Variants in RB1CC1 observed in about 807,000 individuals in gnomAD.
RB1CC1 encodes RB1 inducible coiled-coil 1, also known as RB1-inducible coiled-coil protein 1.
RB1CC1 carries 46 observed loss-of-function variants against 177.5 expected under a neutral mutation model. That is an observed-to-expected ratio of 0.26 (90% CI 0.20 to 0.33). The LOEUF (loss-of-function observed/expected upper bound fraction) is 0.33, where lower values mean the gene tolerates loss of function less well. Among genes scored for constraint, RB1CC1 ranks in the 10% least tolerant of loss-of-function variants. RB1CC1 has a pLI of 1.00. For synonymous variants in RB1CC1, 666 were observed against 613.6 expected (o/e 1.09, Z -1.26); for missense variants, 1,703 against 1,816.3 (o/e 0.94, Z 1.13).
rs943914825 is a variant in RB1CC1 at position 52,622,759 on chromosome 8, T to C, written c.*1023A>G. On this transcript the variant is annotated 3_prime_UTR_variant, in exon 24 of 24. Coordinates refer to ENST00000025008, the MANE Select transcript of RB1CC1 (RefSeq NM_014781.5). ...TAACACTGTTTACCCTGTTACATAGTATATAGTTAAAGAACATTTTTGTAA... is the reference window on the plus strand; with the variant it reads ...TAACACTGTTTACCCTGTTACATAGCATATAGTTAAAGAACATTTTTGTAA... The C allele has an allele frequency of 6.6e-6, 1 of 152,004 alleles. No individual in the cohort carries two copies. The highest frequency in any genetic ancestry group is 2.4e-5 in the African/African-American group (1 of 41,398). 9.4% of individuals were successfully genotyped at this position (152,004 alleles called of 1,614,324 possible).
At chr8:52,697,602 A>G (rs1049908810) in intron 1 of RB1CC1, among the ~76,000 whole-genome samples, 2 of 152,214 alleles carry the variant, frequency 1.3e-5, no homozygotes, top group African/African-American at 4.8e-5. Flanking sequence ...TAAGCGAAGG[A>G]AGGAAGGCTG....
chr8:52,631,138 A>G (rs1314176359), intron 20 of RB1CC1, among the ~76,000 whole-genome samples: 2 of 152,192 alleles, frequency 1.3e-5, no homozygotes, highest in Non-Finnish European at 2.9e-5. Context: ...TGAGAAAAGG[A>G]GAAGGCAGAG....
chr8:52,709,996 T>G (rs552568214), intron 1 of RB1CC1, among the ~76,000 whole-genome samples: 2 of 152,318 alleles, frequency 1.3e-5, no homozygotes, highest in East Asian at 3.9e-4. Context: ...AGAGAAAAGA[T>G]GATTGGAAAT....
At chr8:52,665,100 G>C (rs1040584051) in intron 8 of RB1CC1, among the ~76,000 whole-genome samples, 7 of 151,900 alleles carry the variant, frequency 4.6e-5, no homozygotes, top group African/African-American at 1.7e-4. Flanking sequence ...TAGAATGATG[G>C]GTTCATAAAA....
intron 15 of RB1CC1, among the ~76,000 whole-genome samples, chr8:52,655,440 G>C (rs899654856): frequency 1.3e-5 from 2 of 151,984 alleles, no homozygotes; most frequent in Admixed American, 6.6e-5. Context: ...ATATCAGACA[G>C]TAACAATAAT....
At chr8:52,647,291 T>C (rs769442558) in intron 15 of RB1CC1, among the ~76,000 whole-genome samples, 4 of 152,118 alleles carry the variant, frequency 2.6e-5, no homozygotes, top group Non-Finnish European at 4.4e-5. Context: ...TCTATCAAAG[T>C]CTGAGACTCC....
intron 20 of RB1CC1, among the ~76,000 whole-genome samples, chr8:52,633,707 T>C (rs1848924391): frequency 6.6e-6 from 1 of 152,226 alleles, no homozygotes; most frequent in African/African-American, 2.4e-5. Context: ...AATAAAGTTA[T>C]TGCTTTATTA....
At chr8:52,667,965 CAT>C (rs371360398) in intron 8 of RB1CC1, 54 bp downstream of exon 8, 81 of 1,538,358 alleles carry the variant, frequency 5.3e-5, no homozygotes, top group African/African-American at 5.3e-4. Context: ...GCATATAAAA[CAT>C]GTGTACAAAA....
At position 52,672,294 on chromosome 8, in the gene RB1CC1, A is replaced by G. The variant is rs556207113; in HGVS notation, c.1002+1551T>C. On this transcript the variant is annotated intron_variant, in intron 7 of 23. Transcript: ENST00000025008. ...ACTGTGCCTGGCTGACTTTTCATTA[A>G]GTCAGAGAATCACTGTTCCTTTCCT... 4.9e-4 allele frequency among the ~76,000 whole-genome samples: 74 copies of G among 152,290 alleles called. 1 individual carries two copies. Among genetic ancestry groups the G allele is most frequent in the African/African-American group, 1.8e-3 (74 of 41,558 alleles).
chr8:52,646,765 A>G (rs917644152), intron 15 of RB1CC1, among the ~76,000 whole-genome samples: 4 of 152,216 alleles, frequency 2.6e-5, no homozygotes, highest in Non-Finnish European at 5.9e-5. Context: ...AACACTGGTT[A>G]ATGATTAGTT....
At chr8:52,657,965 AT>A in intron 14 of RB1CC1, 32 bp downstream of exon 14, 1 of 1,613,348 alleles carries the variant, frequency 6.2e-7, no homozygotes. Flanking sequence ...TTTTACACTA[AT>A]GAAGAAAACT....
At chr8:52,667,937 G>A (rs1297252693) in intron 8 of RB1CC1, 84 bp downstream of exon 8, 2 of 1,317,482 alleles carry the variant, frequency 1.5e-6, no homozygotes, top group Non-Finnish European at 2.1e-6. Context: ...AAAATATGGT[G>A]CACACCAAAT....
intron 21 of RB1CC1, 125 bp downstream of exon 21, chr8:52,630,339 TTACTAC>T (rs1206493774): frequency 3.7e-6 from 4 of 1,095,810 alleles, no homozygotes; most frequent in Non-Finnish European, 4.9e-6. Context: ...TAAAAAACTT[TTACTAC>T]TACTGAGTGC....
At chr8:52,699,522 A>AT (rs1166260602) in intron 1 of RB1CC1, among the ~76,000 whole-genome samples, 1 of 151,840 alleles carries the variant, frequency 6.6e-6, no homozygotes, top group Admixed American at 6.6e-5. Flanking sequence ...GAATTATAAA[A>AT]ATACAGCCGG....
At chr8:52,665,931 T>G (rs768163075) in intron 8 of RB1CC1, among the ~76,000 whole-genome samples, 1 of 152,122 alleles carries the variant, frequency 6.6e-6, no homozygotes, top group Non-Finnish European at 1.5e-5. Context: ...GAAGGTACAA[T>G]GGAACAGTTT....
intron 15 of RB1CC1, among the ~76,000 whole-genome samples, chr8:52,652,643 A>G (rs947749768): frequency 9.9e-5 from 15 of 152,168 alleles, no homozygotes; most frequent in African/African-American, 3.1e-4. Flanking sequence ...GAAGTTAGAG[A>G]GCCACTGTTC....
chr8:52,691,928 C>T (rs1854901257), intron 1 of RB1CC1, among the ~76,000 whole-genome samples: 2 of 152,214 alleles, frequency 1.3e-5, no homozygotes, highest in South Asian at 2.1e-4. Flanking sequence ...ATAATCATTG[C>T]TAATACTTAT....
chr8:52,693,557 TCAAAGAAAAAGA>T (rs1485738403), intron 1 of RB1CC1, among the ~76,000 whole-genome samples: 5 of 152,104 alleles, frequency 3.3e-5, no homozygotes, highest in African/African-American at 1.2e-4. Flanking sequence ...TATTAAAAAG[TCAAAGAAAAAGA>T]CAGATGCTGG....
Position 52,642,787 on chromosome 8 carries a change from C to T in RB1CC1, c.4013G>A (p.Arg1338Lys), listed in dbSNP as rs374716614. The change falls in exon 17 of 24, where the codon AGA becomes AAA. Residue 1338 changes from arginine (R) to lysine (K), a missense_variant. Arg to Lys is a conservative substitution (Grantham distance 26, BLOSUM62 2). Transcript: ENST00000025008. ...QQTNFNTVLT[R>K]EKMRKENIIN... ...TATGTTTTCTTTTCTCATTTTCTCT[C>T]TTGTTAAAACAGTGTTAAAATTGGT... 1.2e-5 allele frequency: 18 copies of T among 1,564,930 alleles called. No homozygotes were observed. The highest frequency in any genetic ancestry group is 1.5e-5 in the Non-Finnish European group (17 of 1,164,622).
Sources: gnomAD v4.1 joint callset for allele counts (sites outside exome capture counted in the v4.1 genomes callset) on GRCh38, gnomAD v4.1.1 for gene constraint, MANE v1.5 for transcripts, NCBI Gene and HGNC (gene_info 2026-07-23, HGNC 2026-07-21) for gene names.